ARSK: variants seen among roughly 807,000 people sequenced by gnomAD.
ARSK encodes the protein arylsulfatase family member K.
In ARSK, 37 loss-of-function variants were observed where a neutral mutation model predicts 53.2. That is an observed-to-expected ratio of 0.70 (90% CI 0.54 to 0.92). The LOEUF is 0.92. Ranked by LOEUF, ARSK falls within the 40% of genes least tolerant of loss-of-function variation. The pLI is 0.00. For synonymous variants in ARSK, 208 were observed against 223.2 expected, an observed-to-expected ratio of 0.93 and a Z score of 0.61; for missense variants, 613 against 643.0, an observed-to-expected ratio of 0.95 and a Z score of 0.51.
intron 3 of ARSK, among the ~76,000 whole-genome samples, chr5:95,576,066 A>AT (rs1297652272): frequency 6.6e-6 from 1 of 150,520 alleles, no homozygotes; most frequent in Non-Finnish European, 1.5e-5. Context: ...TATACCCAGT[A>AT]TTTTTTGTGG....
At position 95,583,008 on chromosome 5, in the gene ARSK, T is replaced by G; in HGVS notation, c.509T>G (p.Val170Gly). 1 of 1,613,842 alleles carries G rather than the reference T, an allele frequency of 6.2e-7. No homozygotes were observed. The change falls in exon 4 of 8, where the codon GTC becomes GGC. Residue 170 changes from valine to glycine, a missense_variant. By Grantham distance (109) the Val-to-Gly change is moderately radical. Transcript: ENST00000380009. ...MVNLIRNRTK[V>G]RVMERDWQNT... Reference sequence around the variant, plus strand: ...AATCTTATCCGTAACAGGACTAAAGTCAGAGTGATGGAAAGGGATTGGCAG... The same window carrying G: ...AATCTTATCCGTAACAGGACTAAAGGCAGAGTGATGGAAAGGGATTGGCAG...
intron 1 of ARSK, among the ~76,000 whole-genome samples, chr5:95,560,647 T>G (rs1054251903): frequency 6.6e-6 from 1 of 151,720 alleles, no homozygotes; most frequent in African/African-American, 2.4e-5. Flanking sequence ...ATGAATGAAG[T>G]TGGACCCTGC....
At chr5:95,601,217 T>C in intron 7 of ARSK, 146 bp downstream of exon 7, 1 of 786,300 alleles carries the variant, frequency 1.3e-6, no homozygotes, top group Non-Finnish European at 2.0e-6. Flanking sequence ...AGGTTGCCCA[T>C]GTGAGGAACA....
At chr5:95,573,021 T>A (rs1000306598) in intron 3 of ARSK, among the ~76,000 whole-genome samples, 4 of 152,144 alleles carry the variant, frequency 2.6e-5, no homozygotes, top group African/African-American at 9.7e-5. Context: ...CAGTCTATAA[T>A]GCAGAAAACA....
intron 1 of ARSK, among the ~76,000 whole-genome samples, chr5:95,564,571 C>G (rs1748696125): frequency 1.3e-5 from 2 of 152,184 alleles, no homozygotes; most frequent in Non-Finnish European, 2.9e-5. Context: ...ATTCCTTCCC[C>G]TTTCCAGTTT....
chr5:95,570,138 C>T (rs1183857091), intron 3 of ARSK, among the ~76,000 whole-genome samples: 1 of 152,124 alleles, frequency 6.6e-6, no homozygotes, highest in Non-Finnish European at 1.5e-5. Context: ...TTACATGACA[C>T]ACTTGCTTAA....
intron 6 of ARSK, among the ~76,000 whole-genome samples, chr5:95,596,708 A>T (rs185081311): frequency 9.9e-5 from 15 of 152,274 alleles, no homozygotes; most frequent in Admixed American, 6.5e-4. Flanking sequence ...CTTCAATAGA[A>T]AGAAACTGAA....
In ARSK at chr5:95,597,914, G is replaced by C. The variant is rs147605641; in HGVS notation, c.1097-2933G>C. 7.6e-3 allele frequency among the ~76,000 whole-genome samples: 945 copies of C among 124,164 alleles called. 23 individuals carry two copies. Among genetic ancestry groups the C allele is most frequent in the Admixed American group, 0.013 (165 of 12,262 alleles). The allele number at this position is 124,164 out of a possible 152,430, so 81.5% of individuals were successfully genotyped here. A position where few individuals can be genotyped will look rare whatever the true frequency, so the allele number is the denominator to read the frequency against. On this transcript the variant is annotated intron_variant, in intron 6 of 7. Coordinates refer to ENST00000380009, the MANE Select transcript of ARSK (RefSeq NM_198150.3). ...GCCTCAAAAAAAAAAAGTGGGGGGC[G>C]GGTAATAGTGGCTATTTCATAGCTC... is the stretch of plus-strand genomic sequence containing the variant.
intron 6 of ARSK, among the ~76,000 whole-genome samples, chr5:95,594,726 G>C (rs1280815474): frequency 6.6e-6 from 1 of 152,082 alleles, no homozygotes; most frequent in East Asian, 1.9e-4. Context: ...TGTAGTCCCA[G>C]CTACTTGAGA....
At chr5:95,571,159 T>C (rs182421218) in intron 3 of ARSK, among the ~76,000 whole-genome samples, 1 of 152,364 alleles carries the variant, frequency 6.6e-6, no homozygotes, top group Admixed American at 6.5e-5. Flanking sequence ...AAAATCTTTC[T>C]CCTTTTTAGA....
In ARSK at chr5:95,603,314, C is replaced by G. The variant is rs767924021; in HGVS notation, c.1399C>G (p.Leu467Val). 6.2e-7 allele frequency: 1 copy of G among 1,608,258 alleles called. No individual in the cohort carries two copies. ...PEITYSLDQKLHSIINYPKVS... is the reference protein window; with the variant it reads ...PEITYSLDQKVHSIINYPKVS... ...AATTACTTATTCTTTGGATCAGAAG[C>G]TTCATTCCATTATAAACTACCCTAA... Residue 467 changes from leucine (L) to valine (V), a missense_variant, in exon 8 of 8, where the codon CTT becomes GTT. Transcript: ENST00000380009.
At chr5:95,575,418 T>C (rs954809424) in intron 3 of ARSK, among the ~76,000 whole-genome samples, 1 of 152,216 alleles carries the variant, frequency 6.6e-6, no homozygotes, top group Non-Finnish European at 1.5e-5. Context: ...AAGAATGTTA[T>C]TGGTATTTTG....
At chr5:95,571,649 G>A (rs1260036906) in intron 3 of ARSK, among the ~76,000 whole-genome samples, 1 of 152,074 alleles carries the variant, frequency 6.6e-6, no homozygotes, top group Non-Finnish European at 1.5e-5. Flanking sequence ...TTGATGTTTG[G>A]GATGTCAAAG....
In ARSK at chr5:95,575,998, A is replaced by G. The variant is rs1748918085; in HGVS notation, c.417-6918A>G. On this transcript the variant is annotated intron_variant, in intron 3 of 7. Transcript: ENST00000380009. Reference sequence around the variant, plus strand: ...AAGGACTTTCAGTTTTTCCTCATTCAGCATGATACTAGCTGTGGGTCTGTT... The same window carrying G: ...AAGGACTTTCAGTTTTTCCTCATTCGGCATGATACTAGCTGTGGGTCTGTT... Among the ~76,000 whole-genome samples the G allele has an allele frequency of 2.0e-5, 3 of 152,120 alleles. No individual in the cohort carries two copies. The South Asian group carries it at 6.2e-4, about 32-fold the overall frequency.
intron 6 of ARSK, among the ~76,000 whole-genome samples, chr5:95,595,638 A>G (rs1749295015): frequency 6.8e-6 from 1 of 146,754 alleles, no homozygotes; most frequent in Admixed American, 6.7e-5. Flanking sequence ...GGACGTAAAA[A>G]TGCCAACAAG....
intron 1 of ARSK, among the ~76,000 whole-genome samples, chr5:95,560,477 T>C (rs1421754805): frequency 2.6e-5 from 4 of 152,170 alleles, no homozygotes; most frequent in Non-Finnish European, 5.9e-5. Flanking sequence ...TAGTATGTTA[T>C]TGGCTTAAGG....
intron 5 of ARSK, among the ~76,000 whole-genome samples, chr5:95,588,238 AT>A (rs557510001): frequency 0.16 from 23,185 of 141,640 alleles, 2,391 homozygotes; most frequent in African/African-American, 0.32. Context: ...CTGTATCTTA[AT>A]TTTTTTTTTT....
intron 6 of ARSK, among the ~76,000 whole-genome samples, chr5:95,598,486 G>A (rs1180403843): frequency 3.2e-4 from 49 of 152,032 alleles, no homozygotes; most frequent in Non-Finnish European, 1.2e-4. Context: ...ATTTACAAAG[G>A]TATTTTATTC....
rs567533125 is a variant in ARSK at position 95,588,385 on chromosome 5, C to T, written c.871+1652C>T. ...CCGAGTAGCTGGGATTATAGGCACG[C>T]GCCACCACGCCCAGCTAATTTTTGT... On this transcript the variant is annotated intron_variant, in intron 5 of 7. Transcript: ENST00000380009. Among the ~76,000 whole-genome samples the T allele has an allele frequency of 1.8e-4, 27 of 151,786 alleles. 1 individual carries two copies. Among genetic ancestry groups the T allele is most frequent in the South Asian group, 8.4e-4 (4 of 4,776 alleles).
Sources: gnomAD v4.1 joint callset for allele counts (sites outside exome capture counted in the v4.1 genomes callset) on GRCh38, gnomAD v4.1.1 for gene constraint, MANE v1.5 for transcripts, NCBI Gene and HGNC (gene_info 2026-07-23, HGNC 2026-07-21) for gene names.